NCKAP5: variants seen among roughly 807,000 people sequenced by gnomAD.
The protein encoded by NCKAP5 is NCK associated protein 5.
NCKAP5 carries 92 observed loss-of-function variants against 167.0 expected under a neutral mutation model. The ratio of observed to expected loss-of-function variants is 0.55; its 90% CI spans 0.47 to 0.66. The LOEUF (loss-of-function observed/expected upper bound fraction) is 0.66, where lower values mean the gene tolerates loss of function less well. Among genes scored for constraint, NCKAP5 ranks in the 30% least tolerant of loss-of-function variants. The probability of loss-of-function intolerance (pLI) is 0.00; values close to 1 mark genes in which losing one functional copy is unlikely to be tolerated. For synonymous variants in NCKAP5, 891 were observed against 877.4 expected (o/e 1.02, Z -0.27); for missense variants, 2,378 against 2,315.0 (o/e 1.03, Z -0.56).
intron 6 of NCKAP5, among the ~76,000 whole-genome samples, chr2:133,083,812 T>G (rs76747255): frequency 1.3e-5 from 2 of 152,200 alleles, no homozygotes; most frequent in African/African-American, 4.8e-5. Context: ...CCACTATGTG[T>G]CAGGATTTGT....
At chr2:133,181,388 G>A (rs6721493) in intron 5 of NCKAP5, among the ~76,000 whole-genome samples, 13,308 of 150,982 alleles carry the variant, frequency 0.088, 733 homozygotes, top group South Asian at 0.11. Context: ...TTACATGCAA[G>A]GAAAAAAAGC....
intron 4 of NCKAP5, among the ~76,000 whole-genome samples, chr2:133,277,377 G>T (rs1461580835): frequency 6.6e-6 from 1 of 152,116 alleles, no homozygotes; most frequent in Non-Finnish European, 1.5e-5. Flanking sequence ...TAGTAAACTG[G>T]TGGAGGATAT....
chr2:133,268,638 G>A (rs1193953132), intron 4 of NCKAP5, among the ~76,000 whole-genome samples: 3 of 151,890 alleles, frequency 2.0e-5, no homozygotes, highest in South Asian at 2.1e-4. Flanking sequence ...GCCCGCCACC[G>A]CGCCCGGCTA....
chr2:133,236,351 A>G (rs1359121913), intron 4 of NCKAP5, among the ~76,000 whole-genome samples: 1 of 152,200 alleles, frequency 6.6e-6, no homozygotes, highest in African/African-American at 2.4e-5. Context: ...GTGACTTCAT[A>G]GAACATAACT....
At chr2:133,279,300 T>C (rs2089853339) in intron 4 of NCKAP5, among the ~76,000 whole-genome samples, 1 of 152,242 alleles carries the variant, frequency 6.6e-6, no homozygotes, top group Non-Finnish European at 1.5e-5. Context: ...CCCTATTTTA[T>C]GGCTTATCCG....
In NCKAP5 at chr2:133,201,756, G is replaced by A. The variant is rs921280401; in HGVS notation, c.207+11960C>T. 4.0e-4 allele frequency among the ~76,000 whole-genome samples: 61 copies of A among 152,140 alleles called. 5 individuals carry two copies. The highest frequency in any genetic ancestry group is 4.4e-5 in the Non-Finnish European group (3 of 68,024). On this transcript the variant is annotated intron_variant, in intron 5 of 19. Coordinates refer to ENST00000409261, the MANE Select transcript of NCKAP5 (RefSeq NM_207363.3). ...AGTATCATGCTTCATGGTGTCCTATGCTTCTCCGCCTCATTTCAAAAACAA... is the reference window on the plus strand; with the variant it reads ...AGTATCATGCTTCATGGTGTCCTATACTTCTCCGCCTCATTTCAAAAACAA...
intron 19 of NCKAP5, among the ~76,000 whole-genome samples, chr2:132,692,567 A>G (rs143731056): frequency 6.6e-6 from 1 of 152,214 alleles, no homozygotes; most frequent in East Asian, 1.9e-4. Flanking sequence ...AATACCTACA[A>G]TGTTGCCTAT....
chr2:133,588,657 A>G, the NCKAP5 span, among the ~76,000 whole-genome samples: 3 of 152,188 alleles, frequency 2.0e-5, no homozygotes, highest in African/African-American at 7.2e-5. Context: ...AGAAGGACAT[A>G]TTAGGCAATA....
intron 16 of NCKAP5, among the ~76,000 whole-genome samples, chr2:132,740,361 G>A (rs1045299687): frequency 6.6e-6 from 1 of 152,112 alleles, no homozygotes; most frequent in Non-Finnish European, 1.5e-5. Context: ...TAAGCTACAT[G>A]TGGTATTGGC....
chr2:133,112,750 T>G (rs1008432831), intron 6 of NCKAP5, among the ~76,000 whole-genome samples: 1 of 152,170 alleles, frequency 6.6e-6, no homozygotes, highest in African/African-American at 2.4e-5. Flanking sequence ...GAGCAGCCAT[T>G]TGGTTTAATA....
rs1384191821 is a variant in NCKAP5 at position 132,920,781 on chromosome 2, A to ATGTGTG, written c.580-41866_580-41865insCACACA. On this transcript the variant is annotated intron_variant, in intron 8 of 19. Coordinates refer to ENST00000409261, the MANE Select transcript of NCKAP5 (RefSeq NM_207363.3). Reference sequence around the variant, plus strand: ...TGTATATATATGTATGTATATATATATATATATATATATATATATATATAT... The same window carrying ATGTGTG: ...TGTATATATATGTATGTATATATATATGTGTGTATATATATATATATATATATATAT... Among the ~76,000 whole-genome samples, 24 of 46,082 alleles carry ATGTGTG rather than the reference A, an allele frequency of 5.2e-4. 1 individual carries two copies. Among genetic ancestry groups the ATGTGTG allele is most frequent in the African/African-American group, 2.2e-3 (21 of 9,740 alleles). The allele number at this position is 46,082 out of a possible 152,430, so 30.2% of individuals were successfully genotyped here. A position where few individuals can be genotyped will look rare whatever the true frequency, so the allele number is the denominator to read the frequency against.
chr2:133,185,816 T>A (rs2084922845), intron 5 of NCKAP5, among the ~76,000 whole-genome samples: 1 of 152,116 alleles, frequency 6.6e-6, no homozygotes, highest in Non-Finnish European at 1.5e-5. Flanking sequence ...TTTTGTACCC[T>A]GAAACTCTAT....
At chr2:132,796,385 C>T (rs1293027797) in intron 12 of NCKAP5, among the ~76,000 whole-genome samples, 1 of 152,032 alleles carries the variant, frequency 6.6e-6, no homozygotes, top group African/African-American at 2.4e-5. Context: ...AATCAATATC[C>T]AAAAAAGGTA....
chr2:133,048,793 A>C (rs913380917), intron 6 of NCKAP5, among the ~76,000 whole-genome samples: 2 of 152,216 alleles, frequency 1.3e-5, no homozygotes, highest in African/African-American at 4.8e-5. Flanking sequence ...AATTTCTAAG[A>C]TGATTTTAAT....
At chr2:133,310,251 AC>A (rs1229007567) in intron 3 of NCKAP5, among the ~76,000 whole-genome samples, 1 of 152,148 alleles carries the variant, frequency 6.6e-6, no homozygotes, top group Non-Finnish European at 1.5e-5. Context: ...TTCCGAGGAG[AC>A]TTTTTTAAAT....
rs149723737 is a variant in NCKAP5 at position 133,440,120 on chromosome 2, T to C, written c.69+77338A>G. ...ATTGACTAGCCCTTTATTTCTTCAG[T>C]GTCTGCATAGCACAAAACACATAGT... is the stretch of plus-strand genomic sequence containing the variant. On this transcript the variant is annotated intron_variant, in intron 3 of 19. Coordinates refer to ENST00000409261, the MANE Select transcript of NCKAP5 (RefSeq NM_207363.3). 5.1e-3 allele frequency among the ~76,000 whole-genome samples: 775 copies of C among 152,254 alleles called. 1 individual carries two copies. Among genetic ancestry groups the C allele is most frequent in the Non-Finnish European group, 8.3e-3 (563 of 68,024 alleles).
intron 16 of NCKAP5, among the ~76,000 whole-genome samples, chr2:132,758,491 A>C (rs1024589433): frequency 2.0e-5 from 3 of 152,216 alleles, no homozygotes; most frequent in Non-Finnish European, 4.4e-5. Context: ...AGTTCAACCT[A>C]TCTATAATGT....
intron 6 of NCKAP5, among the ~76,000 whole-genome samples, chr2:133,073,386 G>T (rs1370273679): frequency 6.6e-6 from 1 of 152,128 alleles, no homozygotes; most frequent in Non-Finnish European, 1.5e-5. Flanking sequence ...AACCCCTAAG[G>T]TACACATGTT....
At chr2:133,039,617 C>T (rs1056554694) in intron 6 of NCKAP5, among the ~76,000 whole-genome samples, 2 of 152,152 alleles carry the variant, frequency 1.3e-5, no homozygotes, top group African/African-American at 4.8e-5. Context: ...ACACATTATC[C>T]TACAGCCTGT....
Sources: allele counts gnomAD v4.1 joint callset (sites outside exome capture counted in the v4.1 genomes callset), GRCh38; gene constraint gnomAD v4.1.1; transcripts MANE v1.5; gene names NCBI Gene and HGNC (gene_info 2026-07-23, HGNC 2026-07-21).